FAM43B: variants seen among roughly 807,000 people sequenced by gnomAD.
The protein encoded by FAM43B is protein FAM43B.
In FAM43B, 17 loss-of-function variants were observed where a neutral mutation model predicts 20.1. The observed-to-expected ratio is 0.84, with a 90% CI of 0.58 to 1.27. FAM43B has a LOEUF of 1.27. Ranked by LOEUF, FAM43B falls within the 50% of genes most tolerant of loss-of-function variation. FAM43B has a pLI of 0.00. For missense variants in FAM43B, 512 were observed against 516.7 expected (o/e 0.99, Z 0.09); for synonymous variants, 208 against 238.5 (o/e 0.87, Z 1.18).
Position 20,553,047 on chromosome 1 carries a change from C to A in FAM43B, c.74C>A (p.Pro25Gln), listed in dbSNP as rs758947408. The A allele has an allele frequency of 4.6e-5, 75 of 1,613,396 alleles. No individual in the cohort carries two copies. The highest frequency in any genetic ancestry group is 3.3e-4 in the Middle Eastern group (2 of 6,082). Residue 25 changes from proline to glutamine, a missense_variant, in exon 1 of 1, where the codon CCG becomes CAG. Transcript: ENST00000332947. The surrounding 1 kb of genome is among the most constrained non-coding windows in gnomAD (Gnocchi z 6.5). ...AAGTGCAAGGCGAAGAGCCTGAGTC[C>A]GGGGCTCGCCTACACGTCGCTGCTC... ...EAKCKAKSLS[P>Q]GLAYTSLLSS...
chr1:20,553,780 G>C lies in FAM43B; in HGVS notation c.807G>C (p.Glu269Asp). The C allele has an allele frequency of 6.8e-7, 1 of 1,475,192 alleles. No homozygotes were observed. The highest frequency in any genetic ancestry group is 2.2e-5 in the Admixed American group (1 of 44,594). The allele number at this position is 1,475,192 out of a possible 1,614,324, so 91.4% of individuals were successfully genotyped here. ...RLSSIQEEDE[E>D]EEEDDAEEQE... ...GCAGCATCCAGGAGGAGGACGAGGAGGAGGAGGAGGACGACGCGGAGGAGC... is the reference window on the plus strand; with the variant it reads ...GCAGCATCCAGGAGGAGGACGAGGACGAGGAGGAGGACGACGCGGAGGAGC... The change falls in exon 1 of 1, where the codon GAG becomes GAC. Residue 269 changes from glutamate (E) to aspartate (D), a missense_variant. Transcript: ENST00000332947. The surrounding 1 kb of genome is among the most constrained non-coding windows in gnomAD (Gnocchi z 6.5).
rs1408564416 is a variant in FAM43B, at chr1:20,553,980, C to G, written c.*17C>G. The G allele has an allele frequency of 1.6e-6, 2 of 1,214,700 alleles. No homozygotes were observed. The highest frequency in any genetic ancestry group is 1.6e-5 in the African/African-American group (1 of 63,100). The allele number at this position is 1,214,700 out of a possible 1,614,324, so 75.2% of individuals were successfully genotyped here. The stretch of plus-strand genomic sequence containing the variant: ...GCGCGCTGAGAGCCGAAGGACAGGA[C>G]TCGCAGCCCCAGGCCCGACCCGCCA... On this transcript the variant is annotated 3_prime_UTR_variant, in exon 1 of 1. Transcript: ENST00000332947. The surrounding 1 kb of genome is among the most constrained non-coding windows in gnomAD (Gnocchi z 6.5).
chr1:20,552,766 A>C lies in FAM43B; in HGVS notation c.-208A>C, dbSNP rs1035167650. 2.8e-5 allele frequency: 18 copies of C among 637,742 alleles called. No individual in the cohort carries two copies. The East Asian group carries it at 3.7e-4, about 13-fold the overall frequency. The allele number at this position is 637,742 out of a possible 1,614,324, so 39.5% of individuals were successfully genotyped here. On this transcript the variant is annotated 5_prime_UTR_variant, in exon 1 of 1. Coordinates refer to ENST00000332947, the MANE Select transcript of FAM43B (RefSeq NM_207334.3). ...CCTCAGCCACTCGGCCGCCGTCCGCACCTCGGCTGCTGGCCCGGCTGGGCA... is the reference window on the plus strand; with the variant it reads ...CCTCAGCCACTCGGCCGCCGTCCGCCCCTCGGCTGCTGGCCCGGCTGGGCA...
Position 20,553,727 on chromosome 1 carries a change from G to C in FAM43B, c.754G>C (p.Glu252Gln). The C allele has an allele frequency of 1.4e-6, 2 of 1,460,084 alleles. No individual in the cohort carries two copies. Among genetic ancestry groups the C allele is most frequent in the Non-Finnish European group, 1.8e-6 (2 of 1,102,356 alleles). 90.4% of individuals were successfully genotyped at this position (1,460,084 alleles called of 1,614,324 possible). A position where few individuals can be genotyped will look rare whatever the true frequency, so the allele number is the denominator to read the frequency against. ...AKCAYRPPPS[E>Q]RSRGAPRLSS... ...GTGCGCCTACCGGCCGCCGCCGAGC[G>C]AGCGCAGCCGCGGGGCGCCGCGCCT... Residue 252 changes from glutamate to glutamine, a missense_variant, in exon 1 of 1, where the codon GAG becomes CAG. Physicochemically the swap from Glu to Gln is conservative, Grantham distance 29 (BLOSUM62 2). Transcript: ENST00000332947. The surrounding 1 kb of genome is among the most constrained non-coding windows in gnomAD (Gnocchi z 6.5).
chr1:20,554,128 T>TA lies in FAM43B; in HGVS notation c.*166dup. 1.3e-6 allele frequency: 1 copy of TA among 795,612 alleles called. No homozygotes were observed. The highest frequency in any genetic ancestry group is 1.7e-6 in the Non-Finnish European group (1 of 596,684). The allele number at this position is 795,612 out of a possible 1,614,324, so 49.3% of individuals were successfully genotyped here. ...CATTTTGGCTCAGGGTGATGCCTGA[T>TA]ACGCCCTTGGTTATTGGGGGGTGTT... On this transcript the variant is annotated 3_prime_UTR_variant, in exon 1 of 1. Coordinates refer to ENST00000332947, the MANE Select transcript of FAM43B (RefSeq NM_207334.3).
In FAM43B at chr1:20,553,551, T is replaced by C; in HGVS notation, c.578T>C (p.Leu193Pro). 3.1e-6 allele frequency: 4 copies of C among 1,307,180 alleles called. No homozygotes were observed. Among genetic ancestry groups the C allele is most frequent in the Non-Finnish European group, 3.9e-6 (4 of 1,034,928 alleles). 81.0% of individuals were successfully genotyped at this position (1,307,180 alleles called of 1,614,324 possible). A position where few individuals can be genotyped will look rare whatever the true frequency, so the allele number is the denominator to read the frequency against. Residue 193 changes from leucine (L) to proline (P), a missense_variant, in exon 1 of 1, where the codon CTG (leucine) becomes CCG (proline). Physicochemically the swap from Leu to Pro is moderately conservative, Grantham distance 98 (BLOSUM62 -3). Transcript: ENST00000332947. The surrounding 1 kb of genome is among the most constrained non-coding windows in gnomAD (Gnocchi z 6.5). Reference sequence around the variant, plus strand: ...CACAAGGCGCGCGCCCTGGCCCGCCTGCTCCGCCAGACCGCGCTGGCGGCC... The same window carrying C: ...CACAAGGCGCGCGCCCTGGCCCGCCCGCTCCGCCAGACCGCGCTGGCGGCC... ...RAHKARALARLLRQTALAAFS... is the reference protein window; with the variant it reads ...RAHKARALARPLRQTALAAFS...
chr1:20,553,995 C>T lies in FAM43B; in HGVS notation c.*32C>T. Reference sequence around the variant, plus strand: ...AAGGACAGGACTCGCAGCCCCAGGCCCGACCCGCCAGACTCACAGCCTCCA... The same window carrying T: ...AAGGACAGGACTCGCAGCCCCAGGCTCGACCCGCCAGACTCACAGCCTCCA... On this transcript the variant is annotated 3_prime_UTR_variant, in exon 1 of 1. Transcript: ENST00000332947. The surrounding 1 kb of genome is among the most constrained non-coding windows in gnomAD (Gnocchi z 6.5). 8.3e-7 allele frequency: 1 copy of T among 1,208,808 alleles called. No homozygotes were observed. Among genetic ancestry groups the T allele is most frequent in the Non-Finnish European group, 1.0e-6 (1 of 973,456 alleles). The allele number at this position is 1,208,808 out of a possible 1,614,324, so 74.9% of individuals were successfully genotyped here.
At position 20,552,982 on chromosome 1, in the gene FAM43B, C is replaced by T. The variant is rs762420283; in HGVS notation, c.9C>T (p.Pro3=). 2 of 1,613,198 alleles carry T rather than the reference C, an allele frequency of 1.2e-6. No homozygotes were observed. The highest frequency in any genetic ancestry group is 2.2e-5 in the South Asian group (2 of 91,068). Residue 3 remains proline, a synonymous_variant, in exon 1 of 1, where the codon CCC becomes CCT. Transcript: ENST00000332947. Reference sequence around the variant, plus strand: ...CTTTCGCCGCCGCCGCGATGCTGCCCTGGAGACGTAACAAATTCGTGCTGG... The same window carrying T: ...CTTTCGCCGCCGCCGCGATGCTGCCTTGGAGACGTAACAAATTCGTGCTGG... The part of the protein sequence containing the change: ML[P]WRRNKFVLVE...
rs2052159015 is a variant in FAM43B at position 20,553,736 on chromosome 1, C to G, written c.763C>G (p.Arg255Gly). The change falls in exon 1 of 1, where the codon CGC becomes GGC. Residue 255 changes from arginine to glycine, a missense_variant. Physicochemically the swap from Arg to Gly is moderately radical, Grantham distance 125. Transcript: ENST00000332947. The surrounding 1 kb of genome is among the most constrained non-coding windows in gnomAD (Gnocchi z 6.5). ...CCGGCCGCCGCCGAGCGAGCGCAGC[C>G]GCGGGGCGCCGCGCCTCAGCAGCAT... ...AYRPPPSERSRGAPRLSSIQE... is the reference protein window; with the variant it reads ...AYRPPPSERSGGAPRLSSIQE... The G allele has an allele frequency of 6.8e-7, 1 of 1,464,354 alleles. No homozygotes were observed. The highest frequency in any genetic ancestry group is 9.1e-7 in the Non-Finnish European group (1 of 1,104,130). 90.7% of individuals were successfully genotyped at this position (1,464,354 alleles called of 1,614,324 possible). A position where few individuals can be genotyped will look rare whatever the true frequency, so the allele number is the denominator to read the frequency against.
At position 20,553,289 on chromosome 1, in the gene FAM43B, G is replaced by A. The variant is rs750652608; in HGVS notation, c.316G>A (p.Gly106Arg). The A allele has an allele frequency of 2.5e-6, 4 of 1,605,112 alleles. No homozygotes were observed. Among genetic ancestry groups the A allele is most frequent in the Non-Finnish European group, 3.4e-6 (4 of 1,176,502 alleles). Residue 106 changes from glycine to arginine, a missense_variant, in exon 1 of 1, where the codon GGG becomes AGG. Coordinates refer to ENST00000332947, the MANE Select transcript of FAM43B (RefSeq NM_207334.3). The surrounding 1 kb of genome is among the most constrained non-coding windows in gnomAD (Gnocchi z 6.5). The part of the protein sequence containing the change: ...GKIWARCGPG[G>R]GTKMKLTLGP... ...GATCTGGGCTCGCTGCGGGCCTGGC[G>A]GGGGCACTAAGATGAAGCTGACGCT... is the stretch of plus-strand genomic sequence containing the variant.
rs748060427 is a variant in FAM43B, at chr1:20,553,777, G to A, written c.804G>A (p.Glu268=). ...TCAGCAGCATCCAGGAGGAGGACGA[G>A]GAGGAGGAGGAGGACGACGCGGAGG... ...PRLSSIQEED[E]EEEEDDAEEQ... The change falls in exon 1 of 1, where the codon GAG becomes GAA. Residue 268 remains glutamate, a synonymous_variant. Coordinates refer to ENST00000332947, the MANE Select transcript of FAM43B (RefSeq NM_207334.3). This position sits in a 1 kb window ranked among gnomAD's most constrained non-coding sequence, Gnocchi z 6.5. 1.8e-4 allele frequency: 247 copies of A among 1,352,592 alleles called. No homozygotes were observed. Among genetic ancestry groups the A allele is most frequent in the Non-Finnish European group, 1.9e-4 (197 of 1,035,606 alleles). The allele number at this position is 1,352,592 out of a possible 1,614,324, so 83.8% of individuals were successfully genotyped here.
chr1:20,553,003 G>A lies in FAM43B; in HGVS notation c.30G>A (p.Val10=), dbSNP rs2052147694. The A allele has an allele frequency of 1.2e-6, 2 of 1,613,392 alleles. No individual in the cohort carries two copies. Among genetic ancestry groups the A allele is most frequent in the Admixed American group, 1.7e-5 (1 of 60,002 alleles). Reference sequence around the variant, plus strand: ...TGCCCTGGAGACGTAACAAATTCGTGCTGGTGGAGGACGAGGCCAAGTGCA... The same window carrying A: ...TGCCCTGGAGACGTAACAAATTCGTACTGGTGGAGGACGAGGCCAAGTGCA... MLPWRRNKF[V]LVEDEAKCKA... Residue 10 remains valine, a synonymous_variant, in exon 1 of 1, where the codon GTG becomes GTA. Transcript: ENST00000332947. This position sits in a 1 kb window ranked among gnomAD's most constrained non-coding sequence, Gnocchi z 6.5.
chr1:20,553,687 C>T lies in FAM43B; in HGVS notation c.714C>T (p.Arg238=), dbSNP rs2052158385. ...CGGTGCCCCGCGCCCCACTGCGCCGCCTGCTCAATGCCAAGTGCGCCTACC... is the reference window on the plus strand; with the variant it reads ...CGGTGCCCCGCGCCCCACTGCGCCGTCTGCTCAATGCCAAGTGCGCCTACC... The part of the protein sequence containing the change: ...AASVPRAPLR[R]LLNAKCAYRP... Residue 238 remains arginine (R), a synonymous_variant, in exon 1 of 1, where the codon CGC becomes CGT. Coordinates refer to ENST00000332947, the MANE Select transcript of FAM43B (RefSeq NM_207334.3). The surrounding 1 kb of genome is among the most constrained non-coding windows in gnomAD (Gnocchi z 6.5). The T allele has an allele frequency of 7.0e-7, 1 of 1,420,678 alleles. No individual in the cohort carries two copies. The highest frequency in any genetic ancestry group is 9.2e-7 in the Non-Finnish European group (1 of 1,083,594). The allele number at this position is 1,420,678 out of a possible 1,614,324, so 88.0% of individuals were successfully genotyped here. A position where few individuals can be genotyped will look rare whatever the true frequency, so the allele number is the denominator to read the frequency against.
chr1:20,553,477 C>G lies in FAM43B; in HGVS notation c.504C>G (p.Arg168=). The change falls in exon 1 of 1, where the codon CGC becomes CGG. Residue 168 remains arginine, a synonymous_variant. Coordinates refer to ENST00000332947, the MANE Select transcript of FAM43B (RefSeq NM_207334.3). This position sits in a 1 kb window ranked among gnomAD's most constrained non-coding sequence, Gnocchi z 6.5. ...VFAWVYRHQA[R]HKAVVLRCHA... ...CCTGGGTCTACCGCCACCAGGCGCG[C>G]CACAAGGCCGTGGTGCTGCGCTGCC... is the stretch of plus-strand genomic sequence containing the variant. The G allele has an allele frequency of 7.1e-7, 1 of 1,407,462 alleles. No homozygotes were observed. The highest frequency in any genetic ancestry group is 9.1e-7 in the Non-Finnish European group (1 of 1,093,744). The allele number at this position is 1,407,462 out of a possible 1,614,324, so 87.2% of individuals were successfully genotyped here.
In FAM43B at chr1:20,553,124, C is replaced by T. The variant is rs1238712705; in HGVS notation, c.151C>T (p.Arg51Cys). 4 of 1,613,530 alleles carry T rather than the reference C, an allele frequency of 2.5e-6. No individual in the cohort carries two copies. Among genetic ancestry groups the T allele is most frequent in the Non-Finnish European group, 2.5e-6 (3 of 1,179,892 alleles). The part of the protein sequence containing the change: ...PDLLPDWPLE[R>C]LGRVFRSRRQ... ...CCTGCTGCCCGACTGGCCGCTGGAG[C>T]GCTTGGGCCGTGTGTTCCGCAGCCG... Residue 51 changes from arginine to cysteine, a missense_variant, in exon 1 of 1, where the codon CGC (arginine) becomes TGC (cysteine). Coordinates refer to ENST00000332947, the MANE Select transcript of FAM43B (RefSeq NM_207334.3). This position sits in a 1 kb window ranked among gnomAD's most constrained non-coding sequence, Gnocchi z 6.5.
In FAM43B at chr1:20,553,864, G is replaced by A. The variant is rs1221692883; in HGVS notation, c.891G>A (p.Leu297=). Residue 297 remains leucine (L), a synonymous_variant, in exon 1 of 1, where the codon CTG becomes CTA. Coordinates refer to ENST00000332947, the MANE Select transcript of FAM43B (RefSeq NM_207334.3). This position sits in a 1 kb window ranked among gnomAD's most constrained non-coding sequence, Gnocchi z 6.5. ...RPEVLSLARE[L]RTCSLRGAPA... ...AGGTGCTCAGCCTGGCCCGGGAGCT[G>A]AGGACGTGCAGCCTGCGGGGCGCCC... 9.9e-6 allele frequency: 14 copies of A among 1,412,528 alleles called. No homozygotes were observed. The highest frequency in any genetic ancestry group is 1.3e-5 in the Non-Finnish European group (14 of 1,074,050). 87.5% of individuals were successfully genotyped at this position (1,412,528 alleles called of 1,614,324 possible). A position where few individuals can be genotyped will look rare whatever the true frequency, so the allele number is the denominator to read the frequency against.
At position 20,553,022 on chromosome 1, in the gene FAM43B, A is replaced by G. The variant is rs1418148227; in HGVS notation, c.49A>G (p.Lys17Glu). ...NKFVLVEDEA[K>E]CKAKSLSPGL... ...ATTCGTGCTGGTGGAGGACGAGGCC[A>G]AGTGCAAGGCGAAGAGCCTGAGTCC... The change falls in exon 1 of 1, where the codon AAG (lysine) becomes GAG (glutamate). Residue 17 changes from lysine to glutamate, a missense_variant. Lys to Glu is a moderately conservative substitution (Grantham distance 56). Transcript: ENST00000332947. The surrounding 1 kb of genome is among the most constrained non-coding windows in gnomAD (Gnocchi z 6.5). The G allele has an allele frequency of 6.2e-7, 1 of 1,613,546 alleles. No individual in the cohort carries two copies. Among genetic ancestry groups the G allele is most frequent in the South Asian group, 1.1e-5 (1 of 91,076 alleles).
Position 20,553,908 on chromosome 1 carries a change from C to T in FAM43B, c.935C>T (p.Ala312Val), listed in dbSNP as rs1460157884. The T allele has an allele frequency of 7.9e-7, 1 of 1,260,406 alleles. No individual in the cohort carries two copies. Among genetic ancestry groups the T allele is most frequent in the Non-Finnish European group, 9.9e-7 (1 of 1,008,050 alleles). The allele number at this position is 1,260,406 out of a possible 1,614,324, so 78.1% of individuals were successfully genotyped here. A position where few individuals can be genotyped will look rare whatever the true frequency, so the allele number is the denominator to read the frequency against. The change falls in exon 1 of 1, where the codon GCG becomes GTG. Residue 312 changes from alanine to valine, a missense_variant. Transcript: ENST00000332947. This position sits in a 1 kb window ranked among gnomAD's most constrained non-coding sequence, Gnocchi z 6.5. ...LRGAPAPPPPAQPRRWKAGPR... is the reference protein window; with the variant it reads ...LRGAPAPPPPVQPRRWKAGPR... ...GGCGCCCCGGCGCCCCCGCCGCCCG[C>T]GCAGCCCCGCCGCTGGAAGGCCGGC...
In FAM43B at chr1:20,552,893, C is replaced by G; in HGVS notation, c.-81C>G. 2.6e-6 allele frequency: 4 copies of G among 1,517,202 alleles called. No homozygotes were observed. The South Asian group carries it at 5.1e-5, about 19-fold the overall frequency. 94.0% of individuals were successfully genotyped at this position (1,517,202 alleles called of 1,614,324 possible). ...CTCGCGACTCCAGGGCGGTGGACTT[C>G]TGCGCGCCTTCCCTCCCCCGGTCTC... On this transcript the variant is annotated 5_prime_UTR_variant, in exon 1 of 1. Coordinates refer to ENST00000332947, the MANE Select transcript of FAM43B (RefSeq NM_207334.3).
Sources: allele counts gnomAD v4.1 joint callset, GRCh38; gene constraint gnomAD v4.1.1; non-coding constraint Gnocchi (gnomAD v3.1); transcripts MANE v1.5; gene names NCBI Gene and HGNC (gene_info 2026-07-23, HGNC 2026-07-21).